Variants in EDIL3 observed in about 807,000 individuals in gnomAD.
EDIL3 encodes EGF like and discoidin domains 3.
A neutral mutation model predicts 67.4 loss-of-function variants in EDIL3; 37 were observed. That is an observed-to-expected ratio of 0.55 (90% CI 0.42 to 0.72). The LOEUF is 0.72. Among genes scored for constraint, EDIL3 ranks in the 30% least tolerant of loss-of-function variants. EDIL3 has a pLI of 0.00. For missense variants in EDIL3, 527 were observed against 586.3 expected (o/e 0.90, Z 1.04); for synonymous variants, 195 against 196.3 (o/e 0.99, Z 0.05).
intron 1 of EDIL3, among the ~76,000 whole-genome samples, chr5:84,301,327 T>TA (rs1392586129): frequency 3.3e-5 from 5 of 149,372 alleles, no homozygotes; most frequent in Admixed American, 1.3e-4. Context: ...AATCAGAAGT[T>TA]AAAAAAAAAG....
intron 1 of EDIL3, among the ~76,000 whole-genome samples, chr5:84,330,206 T>C (rs932500773): frequency 6.6e-6 from 1 of 152,166 alleles, no homozygotes; most frequent in African/African-American, 2.4e-5. Flanking sequence ...CAGTTTCTCC[T>C]GAGGTAAGTG....
At chr5:84,080,189 G>A (rs183066271) in intron 6 of EDIL3, among the ~76,000 whole-genome samples, 1,872 of 146,408 alleles carry the variant, frequency 0.013, 45 homozygotes, top group African/African-American at 0.045. Context: ...CCAGCTACTC[G>A]GTGGGCTGAG....
chr5:84,156,650 C>CT (rs1177026579), intron 4 of EDIL3, among the ~76,000 whole-genome samples: 1 of 152,072 alleles, frequency 6.6e-6, no homozygotes, highest in East Asian at 1.9e-4. Flanking sequence ...AATGAAGAGG[C>CT]TTTTTTAGCA....
intron 9 of EDIL3, among the ~76,000 whole-genome samples, chr5:84,031,237 G>A (rs937046791): frequency 4.6e-5 from 7 of 152,142 alleles, no homozygotes; most frequent in African/African-American, 7.2e-5. Flanking sequence ...ATTTTGGGGC[G>A]ACACAATTCA....
intron 9 of EDIL3, among the ~76,000 whole-genome samples, chr5:84,058,591 T>C (rs1746489634): frequency 2.0e-5 from 3 of 152,064 alleles, no homozygotes; most frequent in Admixed American, 2.0e-4. Flanking sequence ...TTAATGTTAG[T>C]GTGTGGAGCT....
In EDIL3 at chr5:84,011,345, A is replaced by G. The variant is rs561382438; in HGVS notation, c.1138-47985T>C. ...TCATTCTGCCAAATCATGTAAGTCC[A>G]TCTTTAAAATTTATACTGACTGTGC... is the stretch of plus-strand genomic sequence containing the variant. On this transcript the variant is annotated intron_variant, in intron 9 of 10. Coordinates refer to ENST00000296591, the MANE Select transcript of EDIL3 (RefSeq NM_005711.5). Among the ~76,000 whole-genome samples, 20 of 152,298 alleles carry G rather than the reference A, an allele frequency of 1.3e-4. No homozygotes were observed. In the South Asian group the frequency reaches 3.7e-3, roughly 28 times the overall value.
intron 1 of EDIL3, among the ~76,000 whole-genome samples, chr5:84,299,029 C>T (rs1408811913): frequency 6.6e-6 from 1 of 152,120 alleles, no homozygotes; most frequent in African/African-American, 2.4e-5. Flanking sequence ...AGCCATAACC[C>T]GCAGCTAAAA....
rs2112108135 is a variant in EDIL3, at chr5:83,942,555, T to G, written c.*864A>C. ...TTAAATTTAAAGAGACATATATATTTTTTGTTCTTTTGTGCAAACTGAGAG... is the reference window on the plus strand; with the variant it reads ...TTAAATTTAAAGAGACATATATATTGTTTGTTCTTTTGTGCAAACTGAGAG... On this transcript the variant is annotated 3_prime_UTR_variant, in exon 11 of 11. Transcript: ENST00000296591. The G allele has an allele frequency of 6.6e-6, 1 of 152,204 alleles. No individual in the cohort carries two copies. The highest frequency in any genetic ancestry group is 1.5e-5 in the Non-Finnish European group (1 of 67,958). The allele number at this position is 152,204 out of a possible 1,614,324, so 9.4% of individuals were successfully genotyped here.
rs572185892 is a variant in EDIL3, at chr5:84,188,906, G to A, written c.227-8385C>T. ...TGATCTACCCAGTCTGTGGTATTTTGTAATGGAAGCCCTAGCAAACTAATA... is the reference window on the plus strand; with the variant it reads ...TGATCTACCCAGTCTGTGGTATTTTATAATGGAAGCCCTAGCAAACTAATA... On this transcript the variant is annotated intron_variant, in intron 3 of 10. Coordinates refer to ENST00000296591, the MANE Select transcript of EDIL3 (RefSeq NM_005711.5). 2.0e-5 allele frequency among the ~76,000 whole-genome samples: 3 copies of A among 152,156 alleles called. No individual in the cohort carries two copies. In the East Asian group the frequency reaches 5.8e-4, roughly 30 times the overall value.
intron 1 of EDIL3, among the ~76,000 whole-genome samples, chr5:84,301,527 T>C (rs1407190095): frequency 6.6e-6 from 1 of 152,260 alleles, no homozygotes; most frequent in East Asian, 1.9e-4. Context: ...AATACAGAAA[T>C]GGAATGGTCA....
chr5:84,285,246 A>G (rs530409518), intron 1 of EDIL3, among the ~76,000 whole-genome samples: 2 of 152,376 alleles, frequency 1.3e-5, no homozygotes, highest in Non-Finnish European at 2.9e-5. Context: ...ATAAAATGCT[A>G]TCATTAATTA....
chr5:83,965,249 C>A lies in EDIL3; in HGVS notation c.1138-1889G>T, dbSNP rs948053421. Among the ~76,000 whole-genome samples, 4 of 152,034 alleles carry A rather than the reference C, an allele frequency of 2.6e-5. No homozygotes were observed. The East Asian group carries it at 7.8e-4, about 29-fold the overall frequency. On this transcript the variant is annotated intron_variant, in intron 9 of 10. Coordinates refer to ENST00000296591, the MANE Select transcript of EDIL3 (RefSeq NM_005711.5). ...ATCACCACACTCGTCAAACTGACAG[C>A]AATTTAAGTCAAACAAAAACAATCC...
chr5:84,073,017 G>T (rs1249612982), intron 6 of EDIL3, among the ~76,000 whole-genome samples: 1 of 152,162 alleles, frequency 6.6e-6, no homozygotes, highest in Non-Finnish European at 1.5e-5. Context: ...TCTGGGAGAA[G>T]ATATCTGCAT....
chr5:84,141,918 TATATACAC>T (rs1380736436), intron 4 of EDIL3, among the ~76,000 whole-genome samples: 1 of 100,066 alleles, frequency 1.0e-5, no homozygotes, highest in East Asian at 6.8e-4. Flanking sequence ...TATATATATA[TATATACAC>T]ATATATATAT....
At chr5:84,043,057 C>A (rs1431442195) in intron 9 of EDIL3, among the ~76,000 whole-genome samples, 2 of 152,106 alleles carry the variant, frequency 1.3e-5, no homozygotes, top group East Asian at 1.9e-4. Flanking sequence ...CAAGTAGTAG[C>A]GATGATCCTC....
At chr5:84,168,948 A>C (rs1335611180) in intron 4 of EDIL3, among the ~76,000 whole-genome samples, 1 of 152,088 alleles carries the variant, frequency 6.6e-6, no homozygotes, top group Non-Finnish European at 1.5e-5. Flanking sequence ...CACGTCCTTG[A>C]CTATTGCTCA....
chr5:84,029,948 T>G (rs1038052554), intron 9 of EDIL3, among the ~76,000 whole-genome samples: 3 of 152,114 alleles, frequency 2.0e-5, no homozygotes, highest in Non-Finnish European at 2.9e-5. Flanking sequence ...TCAGAAAAAC[T>G]TTGTTTAAGG....
At chr5:84,036,957 T>C (rs1429424860) in intron 9 of EDIL3, among the ~76,000 whole-genome samples, 1 of 152,182 alleles carries the variant, frequency 6.6e-6, no homozygotes, top group Non-Finnish European at 1.5e-5. Context: ...AGGCATTTAC[T>C]GTGCTCCACT....
At chr5:83,989,896 C>T (rs1745119772) in intron 9 of EDIL3, among the ~76,000 whole-genome samples, 1 of 152,156 alleles carries the variant, frequency 6.6e-6, no homozygotes, top group Non-Finnish European at 1.5e-5. Context: ...TGGCAAAGAA[C>T]TGTGAGTGAC....
Sources: allele counts gnomAD v4.1 joint callset (sites outside exome capture counted in the v4.1 genomes callset), GRCh38; gene constraint gnomAD v4.1.1; transcripts MANE v1.5; gene names NCBI Gene and HGNC (gene_info 2026-07-23, HGNC 2026-07-21).